Variants in NDC80 observed in about 807,000 individuals in gnomAD.
NDC80 encodes NDC80 kinetochore complex component.
A neutral mutation model predicts 89.3 loss-of-function variants in NDC80; 69 were observed. The observed-to-expected ratio is 0.77, with a 90% CI of 0.64 to 0.94. The LOEUF is 0.94. Among genes scored for constraint, NDC80 ranks in the 40% least tolerant of loss-of-function variants. The pLI is 0.00. For synonymous variants in NDC80, 243 were observed against 255.6 expected (o/e 0.95, Z 0.47); for missense variants, 593 against 739.6 (o/e 0.80, Z 2.30).
intron 16 of NDC80, chr18:2,614,958 GGATGC>G: frequency 6.6e-6 from 1 of 152,314 alleles, no homozygotes; most frequent in South Asian, 2.1e-4. Context: ...GGACAGAGGC[GGATGC>G]TGGGGTGAAG....
chr18:2,585,104 A>G lies in NDC80; in HGVS notation c.580-9A>G. The G allele has an allele frequency of 2.5e-6, 4 of 1,604,958 alleles. No homozygotes were observed. The highest frequency in any genetic ancestry group is 1.7e-4 in the Middle Eastern group (1 of 6,032). The stretch of plus-strand genomic sequence containing the variant: ...ATCAACTTGCTTTTCTTGCTTGTGT[A>G]CTAATTAGATACATACTGCCATGAA... On this transcript the variant is annotated splice_polypyrimidine_tract_variant and intron_variant, in intron 6 of 16. Transcript: ENST00000261597.
intron 11 of NDC80, 79 bp downstream of exon 11, chr18:2,595,700 G>C (rs1218909890): frequency 8.2e-7 from 1 of 1,219,504 alleles, no homozygotes; most frequent in South Asian, 1.4e-5. Context: ...GAAGAAGTCA[G>C]TGGGTAGAGT....
intron 12 of NDC80, among the ~76,000 whole-genome samples, chr18:2,599,819 G>C (rs777873113): frequency 6.6e-6 from 1 of 152,144 alleles, no homozygotes; most frequent in Non-Finnish European, 1.5e-5. Flanking sequence ...TTTTGAATAG[G>C]AGAATGTTTA....
chr18:2,604,670 G>A (rs949670379), intron 13 of NDC80, among the ~76,000 whole-genome samples: 4 of 152,160 alleles, frequency 2.6e-5, no homozygotes, highest in Non-Finnish European at 5.9e-5. Context: ...GACAAAGTGA[G>A]ACCCTTTCTC....
intron 10 of NDC80, among the ~76,000 whole-genome samples, chr18:2,590,870 A>G (rs1169051915): frequency 1.3e-5 from 2 of 152,334 alleles, no homozygotes; most frequent in Admixed American, 6.5e-5. Context: ...TATATACTGT[A>G]TTCCACTTTG....
chr18:2,599,684 A>C (rs975634629), intron 12 of NDC80, among the ~76,000 whole-genome samples: 1 of 152,182 alleles, frequency 6.6e-6, no homozygotes, highest in Non-Finnish European at 1.5e-5. Context: ...CCTAATTTTA[A>C]AATATGGCCA....
chr18:2,598,212 G>A (rs551953384), intron 11 of NDC80, among the ~76,000 whole-genome samples: 115 of 152,222 alleles, frequency 7.6e-4, no homozygotes, highest in African/African-American at 2.6e-3. Context: ...TTTTATGGAT[G>A]GGTAATAACA....
At chr18:2,612,754 G>C (rs1241284865) in intron 16 of NDC80, among the ~76,000 whole-genome samples, 1 of 152,120 alleles carries the variant, frequency 6.6e-6, no homozygotes, top group African/African-American at 2.4e-5. Context: ...TTTAGTTTCT[G>C]TATAGTTTGG....
chr18:2,583,628 C>T (rs1034639993), intron 6 of NDC80, among the ~76,000 whole-genome samples: 3 of 149,520 alleles, frequency 2.0e-5, no homozygotes, highest in African/African-American at 5.0e-5. Flanking sequence ...ACCCAGGAAG[C>T]GGAGGTTGCA....
intron 13 of NDC80, among the ~76,000 whole-genome samples, chr18:2,602,635 G>C (rs1414816416): frequency 6.6e-6 from 1 of 152,098 alleles, no homozygotes; most frequent in African/African-American, 2.4e-5. Flanking sequence ...ACATCTTTTA[G>C]ACTGTCTTGA....
rs542834149 is a variant in NDC80, at chr18:2,574,619, G to A, written c.102-370G>A. ...TTTCTATCTTGTACTTTACCTTCAGGGTTTTTTTTTAACCTTGTTTTTACT... is the reference window on the plus strand; with the variant it reads ...TTTCTATCTTGTACTTTACCTTCAGAGTTTTTTTTTAACCTTGTTTTTACT... On this transcript the variant is annotated intron_variant, in intron 2 of 16. Coordinates refer to ENST00000261597, the MANE Select transcript of NDC80 (RefSeq NM_006101.3). Among the ~76,000 whole-genome samples the A allele has an allele frequency of 3.3e-5, 5 of 151,712 alleles. No homozygotes were observed. In the East Asian group the frequency reaches 7.7e-4, roughly 23 times the overall value.
intron 2 of NDC80, 142 bp downstream of exon 2, chr18:2,573,228 C>A: frequency 1.6e-6 from 1 of 620,998 alleles, no homozygotes; most frequent in Non-Finnish European, 2.7e-6. Flanking sequence ...AATTTTGGAT[C>A]AATGAAATCT....
chr18:2,612,526 TGATCTGCCCACCTCAGC>T (rs1364532851), intron 16 of NDC80, among the ~76,000 whole-genome samples: 1 of 151,994 alleles, frequency 6.6e-6, no homozygotes, highest in African/African-American at 2.4e-5. Flanking sequence ...TGACCTCAAG[TGATCTGCCCACCTCAGC>T]CTCCCAAAGT....
chr18:2,598,923 TG>T, intron 11 of NDC80, 95 bp from the exon 12 acceptor site: 1 of 1,187,470 alleles, frequency 8.4e-7, no homozygotes, highest in Non-Finnish European at 1.1e-6. Context: ...TAAAAATAGG[TG>T]TGATATGTTT....
At chr18:2,594,024 A>G (rs1346451443) in intron 10 of NDC80, 1 of 170,730 alleles carries the variant, frequency 5.9e-6, no homozygotes, top group Non-Finnish European at 1.2e-5. Context: ...TGCCTCAGCC[A>G]CCCGAGTAGC....
At chr18:2,601,109 T>A (rs1445195807) in intron 12 of NDC80, among the ~76,000 whole-genome samples, 1 of 152,198 alleles carries the variant, frequency 6.6e-6, no homozygotes, top group Admixed American at 6.5e-5. Context: ...TGCAGTAAAC[T>A]AAGTGTACTT....
intron 13 of NDC80, 27 bp from the exon 14 acceptor site, chr18:2,606,388 T>C (rs1291114149): frequency 3.3e-6 from 5 of 1,513,324 alleles, no homozygotes; most frequent in Non-Finnish European, 4.5e-6. Flanking sequence ...TAGTTATGAT[T>C]TCTCAACCAA....
chr18:2,614,352 G>A (rs1049813443), intron 16 of NDC80: 14 of 160,988 alleles, frequency 8.7e-5, no homozygotes, highest in South Asian at 1.5e-4. Context: ...CACGAGAATC[G>A]CTTGAACCCA....
At chr18:2,600,534 G>A (rs954644170) in intron 12 of NDC80, among the ~76,000 whole-genome samples, 5 of 151,912 alleles carry the variant, frequency 3.3e-5, no homozygotes, top group African/African-American at 4.8e-5. Context: ...GCTTGAACCC[G>A]GAGGCAGAGG....
Sources: gnomAD v4.1 joint callset for allele counts (sites outside exome capture counted in the v4.1 genomes callset) on GRCh38, gnomAD v4.1.1 for gene constraint, MANE v1.5 for transcripts, NCBI Gene and HGNC (gene_info 2026-07-23, HGNC 2026-07-21) for gene names.